Variants in PARP11 observed in about 807,000 individuals in gnomAD.
PARP11 encodes the protein protein mono-ADP-ribosyltransferase PARP11.
In PARP11, 31 loss-of-function variants were observed where a neutral mutation model predicts 42.9. The observed-to-expected ratio is 0.72, with a 90% CI of 0.54 to 0.98. PARP11 has a LOEUF of 0.98. Ranked by LOEUF, PARP11 falls within the 50% of genes least tolerant of loss-of-function variation. The pLI, the probability that PARP11 is intolerant of heterozygous loss-of-function variation, is 0.00. For missense variants in PARP11, 365 were observed against 413.1 expected (o/e 0.88, Z 1.01); for synonymous variants, 137 against 127.3 (o/e 1.08, Z -0.51).
chr12:3,849,768 A>G (rs530929219), intron 1 of PARP11, among the ~76,000 whole-genome samples: 1 of 152,314 alleles, frequency 6.6e-6, no homozygotes, highest in East Asian at 1.9e-4. Flanking sequence ...CAGTAGGGTG[A>G]CTGTAGTTTA....
chr12:3,838,350 C>T (rs1947807156), intron 1 of PARP11, among the ~76,000 whole-genome samples: 1 of 151,896 alleles, frequency 6.6e-6, no homozygotes, highest in Non-Finnish European at 1.5e-5. Context: ...TCCAAAATGA[C>T]CAACTAGCCA....
rs895131432 is a variant in PARP11 at position 3,808,866 on chromosome 12, C to T, written c.*3257G>A. On this transcript the variant is annotated 3_prime_UTR_variant, in exon 8 of 8. Transcript: ENST00000228820. Reference sequence around the variant, plus strand: ...GATATACACAGACAACCAAGAACTGCTAATGGAGAGCTTTAATCATCACAT... The same window carrying T: ...GATATACACAGACAACCAAGAACTGTTAATGGAGAGCTTTAATCATCACAT... 6.6e-6 allele frequency: 1 copy of T among 152,144 alleles called. No individual in the cohort carries two copies. The highest frequency in any genetic ancestry group is 1.5e-5 in the Non-Finnish European group (1 of 68,018). The allele number at this position is 152,144 out of a possible 1,614,324, so 9.4% of individuals were successfully genotyped here.
chr12:3,836,915 G>T (rs945602468), intron 1 of PARP11, among the ~76,000 whole-genome samples: 1 of 152,104 alleles, frequency 6.6e-6, no homozygotes, highest in African/African-American at 2.4e-5. Flanking sequence ...GAAAAAGTGA[G>T]ATTAAGGTGG....
intron 6 of PARP11, among the ~76,000 whole-genome samples, chr12:3,816,451 G>T (rs1476115194): frequency 6.6e-6 from 1 of 152,094 alleles, no homozygotes; most frequent in Non-Finnish European, 1.5e-5. Context: ...TTTTCTCTTT[G>T]AAATACCCAC....
At chr12:3,821,458 A>T (rs2138023979) in intron 6 of PARP11, among the ~76,000 whole-genome samples, 1 of 152,344 alleles carries the variant, frequency 6.6e-6, no homozygotes, top group East Asian at 1.9e-4. Context: ...GGAAATTTGA[A>T]GGTATGTTTT....
intron 6 of PARP11, among the ~76,000 whole-genome samples, chr12:3,816,665 T>G (rs1947292408): frequency 6.6e-6 from 1 of 152,226 alleles, no homozygotes; most frequent in Non-Finnish European, 1.5e-5. Flanking sequence ...TGGTCTGTAA[T>G]GTCAAACTTG....
Position 3,873,306 on chromosome 12 carries a change from T to TC in PARP11, c.-78dup. ...GGCCTGGGTGTTGGATTTTTTTTTT[T>TC]CCCGCGGGTCCCCGGGAGCGAAGGG... On this transcript the variant is annotated 5_prime_UTR_variant, in exon 1 of 8. Coordinates refer to ENST00000228820, the MANE Select transcript of PARP11 (RefSeq NM_020367.6). The TC allele has an allele frequency of 7.4e-7, 1 of 1,357,046 alleles. No homozygotes were observed. The highest frequency in any genetic ancestry group is 1.0e-6 in the Non-Finnish European group (1 of 973,838). 84.1% of individuals were successfully genotyped at this position (1,357,046 alleles called of 1,614,324 possible).
intron 1 of PARP11, among the ~76,000 whole-genome samples, chr12:3,851,186 G>A (rs114846319): frequency 0.023 from 3,547 of 152,284 alleles, 137 homozygotes; most frequent in African/African-American, 0.08. Flanking sequence ...AGCTCCCAGC[G>A]TGACTGACAC....
At chr12:3,828,531 C>T (rs574906277) in intron 3 of PARP11, among the ~76,000 whole-genome samples, 2 of 126,386 alleles carry the variant, frequency 1.6e-5, no homozygotes, top group East Asian at 4.6e-4. Context: ...CTGGGCAACA[C>T]AGTGAGACGT....
At chr12:3,814,296 C>T in intron 6 of PARP11, 108 bp from the exon 7 acceptor site, 1 of 794,968 alleles carries the variant, frequency 1.3e-6, no homozygotes, top group Non-Finnish European at 1.8e-6. Context: ...ACAGGAAATA[C>T]TTTAATATAA....
At chr12:3,842,135 T>A in intron 1 of PARP11, 1 of 1,611,972 alleles carries the variant, frequency 6.2e-7, no homozygotes, top group Non-Finnish European at 8.5e-7. Flanking sequence ...CCATTCAAAG[T>A]CTGAAAGAAA....
At chr12:3,871,502 A>T (rs952594809) in intron 1 of PARP11, among the ~76,000 whole-genome samples, 3 of 152,196 alleles carry the variant, frequency 2.0e-5, no homozygotes, top group African/African-American at 7.2e-5. Context: ...ATATAGCCTT[A>T]GGTGTGTAGC....
intron 1 of PARP11, among the ~76,000 whole-genome samples, chr12:3,845,386 GTGT>G (rs1177042362): frequency 1.3e-5 from 2 of 152,206 alleles, no homozygotes; most frequent in African/African-American, 2.4e-5. Context: ...TTCTTGCAGT[GTGT>G]TGTTTCCTTT....
intron 1 of PARP11, among the ~76,000 whole-genome samples, chr12:3,849,779 C>T (rs894034913): frequency 2.0e-5 from 3 of 151,996 alleles, no homozygotes; most frequent in African/African-American, 7.2e-5. Flanking sequence ...CTGTAGTTTA[C>T]AATAATCTAT....
intron 1 of PARP11, among the ~76,000 whole-genome samples, chr12:3,870,874 A>T (rs1948464804): frequency 6.6e-6 from 1 of 152,244 alleles, no homozygotes; most frequent in Non-Finnish European, 1.5e-5. Flanking sequence ...AAGGTTGTTG[A>T]TGACAGATAG....
rs1008318726 is a variant in PARP11, at chr12:3,810,817, AAGAGAAGAGAAAGAGG to A, written c.*1290_*1305del. The A allele has an allele frequency of 3.9e-5, 6 of 152,194 alleles. No individual in the cohort carries two copies. Among genetic ancestry groups the A allele is most frequent in the East Asian group, 1.9e-4 (1 of 5,160 alleles). The allele number at this position is 152,194 out of a possible 1,614,324, so 9.4% of individuals were successfully genotyped here. A position where few individuals can be genotyped will look rare whatever the true frequency, so the allele number is the denominator to read the frequency against. On this transcript the variant is annotated 3_prime_UTR_variant, in exon 8 of 8. Transcript: ENST00000228820. ...GAGGAAGACAGAAGAGAAGAGAAAGAAGAGAAGAGAAAGAGGAGAGAAGAGAAGGAGGAGAGAAGAG... is the reference window on the plus strand; with the variant it reads ...GAGGAAGACAGAAGAGAAGAGAAAGAAGAGAAGAGAAGGAGGAGAGAAGAG...
rs763281097 is a variant in PARP11, at chr12:3,826,253, A to G, written c.269-20T>C. 1.3e-6 allele frequency: 2 copies of G among 1,536,140 alleles called. No homozygotes were observed. Among genetic ancestry groups the G allele is most frequent in the Admixed American group, 4.2e-5 (2 of 47,730 alleles). On this transcript the variant is annotated intron_variant, in intron 3 of 7. Coordinates refer to ENST00000228820, the MANE Select transcript of PARP11 (RefSeq NM_020367.6). ...TCATTTCTGTATACAAAGACAAGAT[A>G]TTAGATAAGTCATAAAAGTACACTG... is the stretch of plus-strand genomic sequence containing the variant.
rs776066856 is a variant in PARP11, at chr12:3,828,988, C to T, written c.190G>A (p.Glu64Lys). The change falls in exon 3 of 8, where the codon GAA becomes AAA. Residue 64 changes from glutamate to lysine, a missense_variant. Glu to Lys is a moderately conservative substitution (Grantham distance 56). Transcript: ENST00000228820. The stretch of plus-strand genomic sequence containing the variant: ...CAAGGGTTTGTTTTGAAGCTTTTTT[C>T]GATATCTTCACTGCTAACTGAACAC... ...SQCSVSSEDIEKSFKTNPCGS... is the reference protein window; with the variant it reads ...SQCSVSSEDIKKSFKTNPCGS... The T allele has an allele frequency of 2.5e-5, 40 of 1,613,740 alleles. No homozygotes were observed. The highest frequency in any genetic ancestry group is 2.7e-5 in the African/African-American group (2 of 74,890).
chr12:3,850,113 C>T (rs1435095887), intron 1 of PARP11, among the ~76,000 whole-genome samples: 1 of 151,972 alleles, frequency 6.6e-6, no homozygotes, highest in African/African-American at 2.4e-5. Flanking sequence ...CATATGGTAA[C>T]TCAAATCCAC....
Sources: gnomAD v4.1 joint callset for allele counts (sites outside exome capture counted in the v4.1 genomes callset) on GRCh38, gnomAD v4.1.1 for gene constraint, MANE v1.5 for transcripts, NCBI Gene and HGNC (gene_info 2026-07-23, HGNC 2026-07-21) for gene names.